The following RYR2 variants were observed in gnomAD, a reference collection of about 807,000 sequenced individuals.
RYR2 encodes cardiac muscle ryanodine receptor-calcium release channel.
In RYR2, 227 loss-of-function variants were observed where a neutral mutation model predicts 601.1. The observed-to-expected ratio is 0.38, with a 90% CI of 0.34 to 0.42. The LOEUF (loss-of-function observed/expected upper bound fraction) is 0.42, where lower values mean the gene tolerates loss of function less well. RYR2 is among the 10% of genes least tolerant of loss of function. RYR2 has a pLI of 1.00. For synonymous variants in RYR2, 2,223 were observed against 2,175.1 expected (o/e 1.02, Z -0.61); for missense variants, 4,646 against 6,156.5 (o/e 0.75, Z 8.21).
At chr1:237,492,591 A>G (rs912891681) in intron 18 of RYR2, among the ~76,000 whole-genome samples, 4 of 152,254 alleles carry the variant, frequency 2.6e-5, no homozygotes, top group Admixed American at 2.6e-4. Flanking sequence ...CTGTCATTGC[A>G]GTAATTGGGG....
chr1:237,599,945 G>A (rs1676318280), intron 34 of RYR2, among the ~76,000 whole-genome samples: 1 of 152,064 alleles, frequency 6.6e-6, no homozygotes, highest in Non-Finnish European at 1.5e-5. Context: ...GATATCTCAT[G>A]CTGTTGGATT....
In RYR2 at chr1:237,048,081, T is replaced by G. The variant is rs115310663; in HGVS notation, c.48+5512T>G. ...CTCTCGGACCCCAGAAACACCAGCT[T>G]GACATCATTGCCTGTTCGGTTCCCT... On this transcript the variant is annotated intron_variant, in intron 1 of 104. Coordinates refer to ENST00000366574, the MANE Select transcript of RYR2 (RefSeq NM_001035.3). 9.1e-3 allele frequency among the ~76,000 whole-genome samples: 1,392 copies of G among 152,286 alleles called. 8 individuals carry two copies. Among genetic ancestry groups the G allele is most frequent in the Admixed American group, 0.019 (293 of 15,304 alleles).
At chr1:237,115,437 A>G (rs1669964218) in intron 1 of RYR2, among the ~76,000 whole-genome samples, 2 of 152,238 alleles carry the variant, frequency 1.3e-5, no homozygotes, top group African/African-American at 4.8e-5. Context: ...TAAGAACCCC[A>G]GATCAGCTTG....
chr1:237,062,838 G>C (rs1197237408), intron 1 of RYR2, among the ~76,000 whole-genome samples: 1 of 152,102 alleles, frequency 6.6e-6, no homozygotes, highest in Non-Finnish European at 1.5e-5. Flanking sequence ...GCTTGCTGTG[G>C]TTTACTAAGC....
chr1:237,616,419 T>C (rs908451587), intron 37 of RYR2, among the ~76,000 whole-genome samples: 1 of 152,190 alleles, frequency 6.6e-6, no homozygotes, highest in Non-Finnish European at 1.5e-5. Context: ...CACTTAATTG[T>C]CTTAAGTTTA....
chr1:237,345,060 C>T (rs1270757731), intron 3 of RYR2, among the ~76,000 whole-genome samples: 2 of 152,118 alleles, frequency 1.3e-5, no homozygotes, highest in Admixed American at 6.6e-5. Context: ...CCGCCCACTT[C>T]GGACTCCCAA....
intron 27 of RYR2, among the ~76,000 whole-genome samples, chr1:237,555,685 A>G (rs114719804): frequency 7.9e-4 from 120 of 152,300 alleles, no homozygotes; most frequent in African/African-American, 2.9e-3. Context: ...ATACTCACTG[A>G]AAATTGCAAA....
intron 1 of RYR2, among the ~76,000 whole-genome samples, chr1:237,178,248 CAT>C (rs1678276923): frequency 2.0e-5 from 3 of 152,144 alleles, no homozygotes; most frequent in Non-Finnish European, 1.5e-5. Context: ...CTGTCAGTGA[CAT>C]GTGCCAAGGA....
At position 237,387,185 on chromosome 1, in the gene RYR2, C is replaced by A. The variant is rs111890495; in HGVS notation, c.577-96C>A. On this transcript the variant is annotated intron_variant, in intron 8 of 104. Coordinates refer to ENST00000366574, the MANE Select transcript of RYR2 (RefSeq NM_001035.3). ...AAACAGATGTTCTCTATGAACATAACCAAATCAGCAACGTTAAGTTTGCAT... is the reference window on the plus strand; with the variant it reads ...AAACAGATGTTCTCTATGAACATAAACAAATCAGCAACGTTAAGTTTGCAT... The A allele has an allele frequency of 1.4e-4, 153 of 1,069,104 alleles. No individual in the cohort carries two copies. The African/African-American group carries it at 2.1e-3, about 15-fold the overall frequency. 66.2% of individuals were successfully genotyped at this position (1,069,104 alleles called of 1,614,324 possible).
chr1:237,344,374 A>G (rs1377418969), intron 3 of RYR2, among the ~76,000 whole-genome samples: 1 of 152,168 alleles, frequency 6.6e-6, no homozygotes, highest in African/African-American at 2.4e-5. Context: ...CTAAAACTGT[A>G]ACCTTTCTTT....
chr1:237,806,417 C>G (rs1660642257), intron 99 of RYR2, 134 bp downstream of exon 99: 4 of 812,854 alleles, frequency 4.9e-6, no homozygotes, highest in Non-Finnish European at 5.7e-6. Flanking sequence ...TGCACCTGTT[C>G]TAAACTGCAG....
chr1:237,393,910 G>C (rs1572120234), intron 10 of RYR2, among the ~76,000 whole-genome samples: 1 of 152,232 alleles, frequency 6.6e-6, no homozygotes, highest in East Asian at 1.9e-4. Context: ...AAAAACGTGG[G>C]CTTCTAACAC....
intron 36 of RYR2, among the ~76,000 whole-genome samples, chr1:237,612,831 G>T (rs1479370137): frequency 6.6e-6 from 1 of 152,170 alleles, no homozygotes; most frequent in East Asian, 1.9e-4. Context: ...TTAATTGCCT[G>T]TGATAGATGT....
chr1:237,459,942 T>C lies in RYR2; in HGVS notation c.1612+3207T>C, dbSNP rs189344553. 2.1e-3 allele frequency among the ~76,000 whole-genome samples: 322 copies of C among 152,278 alleles called. 2 individuals are homozygous for C. Among genetic ancestry groups the C allele is most frequent in the African/African-American group, 7.0e-3 (289 of 41,556 alleles). Reference sequence around the variant, plus strand: ...AGGTGGAGCAATGTTTCTATTGGGATGTGTTCAGTTGGAAATAACAGAATA... The same window carrying C: ...AGGTGGAGCAATGTTTCTATTGGGACGTGTTCAGTTGGAAATAACAGAATA... On this transcript the variant is annotated intron_variant, in intron 16 of 104. Coordinates refer to ENST00000366574, the MANE Select transcript of RYR2 (RefSeq NM_001035.3).
chr1:237,522,145 A>G (rs1812409), intron 24 of RYR2, among the ~76,000 whole-genome samples: 73,824 of 151,786 alleles, frequency 0.49, 18,292 homozygotes, highest in East Asian at 0.58. Flanking sequence ...AACAGGCCCC[A>G]GGGTGTGATG....
At chr1:237,634,070 T>A (rs1378011913) in intron 43 of RYR2, among the ~76,000 whole-genome samples, 1 of 152,132 alleles carries the variant, frequency 6.6e-6, no homozygotes, top group African/African-American at 2.4e-5. Flanking sequence ...AAATTAAAAA[T>A]AGAACTACCA....
chr1:237,556,172 T>C (rs1670853322), intron 27 of RYR2, among the ~76,000 whole-genome samples: 1 of 152,186 alleles, frequency 6.6e-6, no homozygotes, highest in Admixed American at 6.5e-5. Context: ...TACTTTCTTC[T>C]GAATTATGTG....
At chr1:237,612,323 G>A (rs1420530314) in intron 36 of RYR2, among the ~76,000 whole-genome samples, 1 of 152,162 alleles carries the variant, frequency 6.6e-6, no homozygotes. Context: ...CTTTTGGGAT[G>A]ATAAAAGTGT....
At chr1:237,118,685 C>T (rs1425913679) in intron 1 of RYR2, among the ~76,000 whole-genome samples, 1 of 151,946 alleles carries the variant, frequency 6.6e-6, no homozygotes, top group Non-Finnish European at 1.5e-5. Context: ...CTCACTGCAA[C>T]CTCCGCCTCC....
Sources: allele counts gnomAD v4.1 joint callset (sites outside exome capture counted in the v4.1 genomes callset), GRCh38; gene constraint gnomAD v4.1.1; transcripts MANE v1.5; gene names NCBI Gene and HGNC (gene_info 2026-07-23, HGNC 2026-07-21).